PDE3A: variants seen among roughly 807,000 people sequenced by gnomAD.
PDE3A encodes phosphodiesterase 3A, also known as cGMP-inhibited 3',5'-cyclic phosphodiesterase 3A.
A neutral mutation model predicts 98.3 loss-of-function variants in PDE3A; 43 were observed. The ratio of observed to expected loss-of-function variants is 0.44; its 90% CI spans 0.34 to 0.56. PDE3A has a LOEUF of 0.56. Ranked by LOEUF, PDE3A falls within the 20% of genes least tolerant of loss-of-function variation. PDE3A has a pLI of 0.01. For synonymous variants in PDE3A, 663 were observed against 567.9 expected, an observed-to-expected ratio of 1.17 and a Z score of -2.38; for missense variants, 1,427 against 1,440.7, an observed-to-expected ratio of 0.99 and a Z score of 0.15.
rs1044866470 is a variant in PDE3A, at chr12:20,506,116, G to A, written c.961-50544G>A. ...TAAAGGAAGGTGTGTGTGTGTGTGTGTGTGTGTGTGTGTATGTGTGTGTAG... is the reference window on the plus strand; with the variant it reads ...TAAAGGAAGGTGTGTGTGTGTGTGTATGTGTGTGTGTGTATGTGTGTGTAG... On this transcript the variant is annotated intron_variant, in intron 1 of 15. Transcript: ENST00000359062. 8.6e-5 allele frequency among the ~76,000 whole-genome samples: 13 copies of A among 151,644 alleles called. 1 individual carries two copies. The highest frequency in any genetic ancestry group is 8.6e-4 in the Admixed American group (13 of 15,200).
At chr12:20,504,895 A>G (rs761127159) in intron 1 of PDE3A, among the ~76,000 whole-genome samples, 7 of 152,032 alleles carry the variant, frequency 4.6e-5, no homozygotes, top group Non-Finnish European at 1.0e-4. Context: ...AACTTTTGCC[A>G]TGTACGATAA....
intron 1 of PDE3A, among the ~76,000 whole-genome samples, chr12:20,511,997 G>A (rs551635371): frequency 6.6e-6 from 1 of 152,024 alleles, no homozygotes; most frequent in South Asian, 2.1e-4. Flanking sequence ...GAATATACAC[G>A]ACTAGCATTA....
At position 20,477,606 on chromosome 12, in the gene PDE3A, C is replaced by T. The variant is rs149627969; in HGVS notation, c.961-79054C>T. 3.9e-5 allele frequency among the ~76,000 whole-genome samples: 6 copies of T among 152,194 alleles called. No individual in the cohort carries two copies. The East Asian group carries it at 1.2e-3, about 29-fold the overall frequency. On this transcript the variant is annotated intron_variant, in intron 1 of 15. Transcript: ENST00000359062. ...TTTTTAAAAATAACCTTGATTTCTG[C>T]TAAAATCTTTTCCCTTGAACATAAA...
intron 2 of PDE3A, among the ~76,000 whole-genome samples, chr12:20,583,574 G>A (rs1350781288): frequency 6.6e-6 from 1 of 152,046 alleles, no homozygotes; most frequent in Non-Finnish European, 1.5e-5. Context: ...TACTAGATGG[G>A]AGACCTTGGG....
intron 1 of PDE3A, among the ~76,000 whole-genome samples, chr12:20,436,156 C>T (rs934238891): frequency 6.6e-5 from 10 of 152,028 alleles, no homozygotes; most frequent in African/African-American, 2.4e-4. Context: ...AACAAAATCC[C>T]CACGTTTATT....
At chr12:20,624,281 G>C (rs1285288989) in intron 5 of PDE3A, among the ~76,000 whole-genome samples, 4 of 152,094 alleles carry the variant, frequency 2.6e-5, no homozygotes, top group African/African-American at 9.7e-5. Context: ...TTCTCTTCCT[G>C]TTTCTTCGGT....
intron 1 of PDE3A, among the ~76,000 whole-genome samples, chr12:20,545,075 G>A (rs1051182004): frequency 6.6e-6 from 1 of 151,984 alleles, no homozygotes; most frequent in Admixed American, 6.6e-5. Flanking sequence ...TGAGACTGAT[G>A]TGATTACATT....
At chr12:20,463,855 CTG>C (rs1945296105) in intron 1 of PDE3A, among the ~76,000 whole-genome samples, 1 of 152,020 alleles carries the variant, frequency 6.6e-6, no homozygotes, top group South Asian at 2.1e-4. Flanking sequence ...TGTTTTGTGT[CTG>C]TGTGTTTGTG....
chr12:20,573,091 C>T (rs1271554898), intron 2 of PDE3A, among the ~76,000 whole-genome samples: 2 of 151,776 alleles, frequency 1.3e-5, no homozygotes, highest in Non-Finnish European at 2.9e-5. Context: ...GTAAGTTTTT[C>T]GTATTTTATA....
chr12:20,484,989 A>C (rs1285490725), intron 1 of PDE3A, among the ~76,000 whole-genome samples: 1 of 152,222 alleles, frequency 6.6e-6, no homozygotes, highest in Non-Finnish European at 1.5e-5. Flanking sequence ...AGAGAATAGC[A>C]AACTTTCAGC....
intron 1 of PDE3A, among the ~76,000 whole-genome samples, chr12:20,522,785 GA>G (rs1380285820): frequency 1.3e-5 from 2 of 152,120 alleles, no homozygotes; most frequent in African/African-American, 4.8e-5. Flanking sequence ...CTCATAGTAA[GA>G]TGGGAAAAAA....
At position 20,489,386 on chromosome 12, in the gene PDE3A, G is replaced by C. The variant is rs1010100707; in HGVS notation, c.961-67274G>C. Among the ~76,000 whole-genome samples the C allele has an allele frequency of 9.9e-5, 15 of 152,278 alleles. 1 individual carries two copies. The highest frequency in any genetic ancestry group is 3.4e-4 in the African/African-American group (14 of 41,558). On this transcript the variant is annotated intron_variant, in intron 1 of 15. Coordinates refer to ENST00000359062, the MANE Select transcript of PDE3A (RefSeq NM_000921.5). ...ACAGCAGAAGCAAGTCTTGAGGTGG[G>C]CATGAGAAATGACAGCCTTCTTTAT...
intron 1 of PDE3A, among the ~76,000 whole-genome samples, chr12:20,488,286 T>A (rs1206170439): frequency 1.3e-5 from 2 of 152,154 alleles, no homozygotes; most frequent in Non-Finnish European, 2.9e-5. Flanking sequence ...TTTCTTTGAT[T>A]CAATGGATGA....
At chr12:20,531,601 G>C (rs1407103327) in intron 1 of PDE3A, among the ~76,000 whole-genome samples, 1 of 152,056 alleles carries the variant, frequency 6.6e-6, no homozygotes, top group Non-Finnish European at 1.5e-5. Context: ...GTGAAGCCCA[G>C]AGAGGTGACA....
At chr12:20,576,255 A>T (rs2121326668) in intron 2 of PDE3A, among the ~76,000 whole-genome samples, 1 of 152,180 alleles carries the variant, frequency 6.6e-6, no homozygotes, top group South Asian at 2.1e-4. Context: ...AAATTTTAGC[A>T]TTACCAGTCT....
At chr12:20,373,191 C>T (rs113385220) in intron 1 of PDE3A, among the ~76,000 whole-genome samples, 1 of 152,012 alleles carries the variant, frequency 6.6e-6, no homozygotes, top group African/African-American at 2.4e-5. Flanking sequence ...TTAGTCCTGA[C>T]AACCCAGTGT....
At chr12:20,671,124 A>C (rs1157021973) in intron 15 of PDE3A, among the ~76,000 whole-genome samples, 1 of 143,906 alleles carries the variant, frequency 6.9e-6, no homozygotes, top group Non-Finnish European at 1.5e-5. Context: ...TCCTCGACAC[A>C]TACACTCTCC....
At chr12:20,420,419 C>T (rs1048237129) in intron 1 of PDE3A, among the ~76,000 whole-genome samples, 3 of 152,070 alleles carry the variant, frequency 2.0e-5, no homozygotes, top group Non-Finnish European at 4.4e-5. Flanking sequence ...TGAGTTCATG[C>T]GGAGGTTGAC....
chr12:20,369,206 T>TGG lies in PDE3A; in HGVS notation c.-78_-77insGG. On this transcript the variant is annotated 5_prime_UTR_variant, in exon 1 of 16. Transcript: ENST00000359062. ...GCGTGCGTGCGTGTGTGTGTGTGTGTGTGTGCGCGCGCGCGCGTGGGTCGG... is the reference window on the plus strand; with the variant it reads ...GCGTGCGTGCGTGTGTGTGTGTGTGTGGGTGTGCGCGCGCGCGCGTGGGTCGG... 1.1e-6 allele frequency: 1 copy of TGG among 891,972 alleles called. No homozygotes were observed. The highest frequency in any genetic ancestry group is 1.7e-6 in the Non-Finnish European group (1 of 598,762). The allele number at this position is 891,972 out of a possible 1,614,324, so 55.3% of individuals were successfully genotyped here.
Sources: gnomAD v4.1 joint callset for allele counts (sites outside exome capture counted in the v4.1 genomes callset) on GRCh38, gnomAD v4.1.1 for gene constraint, MANE v1.5 for transcripts, NCBI Gene and HGNC (gene_info 2026-07-23, HGNC 2026-07-21) for gene names.